KIDINS220: variants seen among roughly 807,000 people sequenced by gnomAD.
The protein encoded by KIDINS220 is kinase D-interacting substrate of 220 kDa.
Under a neutral mutation model 157.6 loss-of-function variants are expected in KIDINS220, and 63 were observed. That is an observed-to-expected ratio of 0.40 (90% CI 0.33 to 0.49). The LOEUF (loss-of-function observed/expected upper bound fraction) is 0.49. Among genes scored for constraint, KIDINS220 ranks in the 20% least tolerant of loss-of-function variants. KIDINS220 has a pLI of 0.66. For missense variants in KIDINS220, 1,772 were observed against 2,171.2 expected, an observed-to-expected ratio of 0.82 and a Z score of 3.65; for synonymous variants, 732 against 783.6, an observed-to-expected ratio of 0.93 and a Z score of 1.10.
chr2:8,755,649 A>G (rs1667917437), intron 22 of KIDINS220, among the ~76,000 whole-genome samples: 1 of 152,194 alleles, frequency 6.6e-6, no homozygotes, highest in Non-Finnish European at 1.5e-5. Flanking sequence ...TCTGGAGTCA[A>G]TTTTGTACAT....
chr2:8,769,816 C>T (rs954720020), intron 22 of KIDINS220, among the ~76,000 whole-genome samples: 1 of 152,084 alleles, frequency 6.6e-6, no homozygotes, highest in Non-Finnish European at 1.5e-5. Context: ...AATTCAGTAC[C>T]ACTTCTCAAT....
At chr2:8,811,562 T>C (rs896546004) in intron 6 of KIDINS220, among the ~76,000 whole-genome samples, 2 of 152,034 alleles carry the variant, frequency 1.3e-5, no homozygotes, top group African/African-American at 4.8e-5. Context: ...GAAACAACGT[T>C]CACAGAACAT....
chr2:8,804,739 A>C (rs1675203067), intron 7 of KIDINS220, among the ~76,000 whole-genome samples: 1 of 152,218 alleles, frequency 6.6e-6, no homozygotes, highest in Non-Finnish European at 1.5e-5. Flanking sequence ...ACGTATAGGA[A>C]AAAACAAACT....
chr2:8,790,381 C>A (rs1001451034), intron 13 of KIDINS220, among the ~76,000 whole-genome samples: 11 of 152,140 alleles, frequency 7.2e-5, no homozygotes, highest in Admixed American at 3.3e-4. Context: ...ACACAAACAA[C>A]AAATATTATG....
At chr2:8,790,401 ATT>A (rs1673030935) in intron 13 of KIDINS220, among the ~76,000 whole-genome samples, 1 of 152,204 alleles carries the variant, frequency 6.6e-6, no homozygotes, top group African/African-American at 2.4e-5. Context: ...GCATATGCAT[ATT>A]GTTTCCACAT....
chr2:8,771,826 C>G (rs1477685137), intron 21 of KIDINS220, among the ~76,000 whole-genome samples: 1 of 152,140 alleles, frequency 6.6e-6, no homozygotes, highest in Non-Finnish European at 1.5e-5. Context: ...GATTCCTCTT[C>G]CCTGGAAGGT....
chr2:8,827,295 G>A (rs552436491), intron 1 of KIDINS220, among the ~76,000 whole-genome samples, 166 bp from the exon 2 acceptor site: 5 of 152,174 alleles, frequency 3.3e-5, no homozygotes, highest in Admixed American at 6.5e-5. Context: ...AAAAGCTGCC[G>A]TGATGTCTCT....
chr2:8,834,143 C>A (rs556301660), intron 1 of KIDINS220, among the ~76,000 whole-genome samples: 65 of 152,302 alleles, frequency 4.3e-4, no homozygotes, highest in African/African-American at 1.5e-3. Context: ...CTGGTGCTGA[C>A]ATTCCTGGGC....
At chr2:8,770,376 A>C (rs1670034456) in intron 22 of KIDINS220, among the ~76,000 whole-genome samples, 1 of 152,212 alleles carries the variant, frequency 6.6e-6, no homozygotes, top group South Asian at 2.1e-4. Context: ...ACTGTGCTCC[A>C]ACCCGGGTGA....
At chr2:8,747,110 T>C in intron 26 of KIDINS220, 35 bp downstream of exon 26, 1 of 1,594,620 alleles carries the variant, frequency 6.3e-7, no homozygotes, top group Non-Finnish European at 8.6e-7. Flanking sequence ...AGCAATGAGA[T>C]GCCAGCGATC....
chr2:8,813,479 G>A, intron 4 of KIDINS220, 144 bp from the exon 5 acceptor site: 1 of 564,844 alleles, frequency 1.8e-6, no homozygotes, highest in Non-Finnish European at 3.1e-6. Context: ...AAATTCCCAG[G>A]CTCCCCAAAT....
intron 6 of KIDINS220, 106 bp downstream of exon 6, chr2:8,812,289 T>C: frequency 2.3e-6 from 1 of 441,468 alleles, no homozygotes. Context: ...TACAAAAATA[T>C]AAAATACATT....
intron 14 of KIDINS220, among the ~76,000 whole-genome samples, chr2:8,789,202 ATAAAAT>A (rs1411847641): frequency 1.3e-5 from 2 of 152,026 alleles, no homozygotes; most frequent in African/African-American, 2.4e-5. Context: ...TTGCTTTTAG[ATAAAAT>A]TAAAAGTACA....
chr2:8,755,864 T>C (rs1195093888), intron 22 of KIDINS220, among the ~76,000 whole-genome samples: 3 of 152,212 alleles, frequency 2.0e-5, no homozygotes, highest in East Asian at 1.9e-4. Flanking sequence ...CTGTGACACA[T>C]TGTTTTGATT....
intron 2 of KIDINS220, among the ~76,000 whole-genome samples, chr2:8,821,949 C>T (rs937264216): frequency 4.6e-5 from 7 of 152,268 alleles, no homozygotes; most frequent in Admixed American, 4.6e-4. Flanking sequence ...CCTTTCCATA[C>T]CTGACCCCAC....
Position 8,791,141 on chromosome 2 carries a change from G to T in KIDINS220, c.1360C>A (p.Pro454Thr). 1 of 1,614,004 alleles carries T rather than the reference G, an allele frequency of 6.2e-7. No homozygotes were observed. The highest frequency in any genetic ancestry group is 8.5e-7 in the Non-Finnish European group (1 of 1,179,900). ...ACACAAATGGGTGGCTGCATGGTAG[G>T]CTCACTGAGAATATCTGCCAGGGCA... ...SSALADILSEPTMQPPICVGL... is the reference protein window; with the variant it reads ...SSALADILSETTMQPPICVGL... The change falls in exon 13 of 30, where the codon CCT becomes ACT. Residue 454 changes from proline to threonine, a missense_variant. Pro to Thr is a conservative substitution (Grantham distance 38). Around this residue, in one of 3 missense-constraint regions of KIDINS220, gnomAD observed 725 missense variants for 1,017.1 expected, o/e 0.71. Transcript: ENST00000256707.
At chr2:8,726,902 A>T, downstream of KIDINS220, 1 of 1,288,866 alleles carries the variant, frequency 7.8e-7, no homozygotes. Context: ...TTTAATCTGG[A>T]TCCTCTGAAG....
At chr2:8,804,169 G>A (rs1455014683) in intron 7 of KIDINS220, among the ~76,000 whole-genome samples, 4 of 152,312 alleles carry the variant, frequency 2.6e-5, no homozygotes, top group South Asian at 2.1e-4. Flanking sequence ...CAGGGCCTAC[G>A]CCTTGAAGGT....
chr2:8,744,385 AAAAATATATATATATAATATAT>A (rs1362417721), intron 26 of KIDINS220, among the ~76,000 whole-genome samples: 22 of 28,046 alleles, frequency 7.8e-4, no homozygotes, highest in African/African-American at 3.1e-3. Context: ...AAAAAAAAAA[AAAAATATATATATATAATATAT>A]ATATATATAT....
Sources: allele counts gnomAD v4.1 joint callset (sites outside exome capture counted in the v4.1 genomes callset), GRCh38; gene constraint gnomAD v4.1.1; regional missense constraint gnomAD v4.1.1; transcripts MANE v1.5; gene names NCBI Gene and HGNC (gene_info 2026-07-23, HGNC 2026-07-21).